The following LRMDA variants were observed in gnomAD, a reference collection of about 807,000 sequenced individuals.
The protein encoded by LRMDA is leucine-rich melanocyte differentiation-associated protein.
A neutral mutation model predicts 29.8 loss-of-function variants in LRMDA; 18 were observed. That is an observed-to-expected ratio of 0.60 (90% CI 0.42 to 0.90). The LOEUF is 0.90. LRMDA is among the 40% of genes least tolerant of loss of function. The probability of loss-of-function intolerance (pLI) is 0.00; values close to 1 mark genes in which losing one functional copy is unlikely to be tolerated. For missense variants in LRMDA, 273 were observed against 273.9 expected (o/e 1.00, Z 0.02); for synonymous variants, 125 against 109.4 (o/e 1.14, Z -0.89).
intron 5 of LRMDA, among the ~76,000 whole-genome samples, chr10:76,295,561 G>A (rs970987752): frequency 3.3e-5 from 5 of 152,172 alleles, no homozygotes; most frequent in South Asian, 2.1e-4. Flanking sequence ...CACTGCTGCC[G>A]CCACCTCTTT....
chr10:75,884,352 A>G (rs1845346668), intron 2 of LRMDA, among the ~76,000 whole-genome samples: 1 of 151,726 alleles, frequency 6.6e-6, no homozygotes, highest in South Asian at 2.1e-4. Flanking sequence ...ATTAAGGTCT[A>G]AACTGAAGTA....
intron 2 of LRMDA, among the ~76,000 whole-genome samples, chr10:75,541,961 A>G (rs1190560595): frequency 6.6e-6 from 1 of 152,250 alleles, no homozygotes; most frequent in Non-Finnish European, 1.5e-5. Flanking sequence ...ATCTTGATAA[A>G]TATGGTGGTT....
At chr10:75,831,797 C>A (rs982865194) in intron 2 of LRMDA, among the ~76,000 whole-genome samples, 12 of 152,180 alleles carry the variant, frequency 7.9e-5, no homozygotes, top group Admixed American at 5.9e-4. Flanking sequence ...ACTTGTGTGC[C>A]CCTGCAGGCT....
At chr10:75,452,149 A>G (rs1844468829) in intron 2 of LRMDA, among the ~76,000 whole-genome samples, 1 of 152,174 alleles carries the variant, frequency 6.6e-6, no homozygotes, top group African/African-American at 2.4e-5. Flanking sequence ...GAGGGGCTCC[A>G]GTGCAGACCC....
chr10:75,613,335 A>G lies in LRMDA; in HGVS notation c.131+174841A>G, dbSNP rs143841187. Among the ~76,000 whole-genome samples the G allele has an allele frequency of 9.7e-3, 1,471 of 152,270 alleles. 17 individuals carry two copies. The highest frequency in any genetic ancestry group is 0.028 in the African/African-American group (1,158 of 41,550). On this transcript the variant is annotated intron_variant, in intron 2 of 6. Transcript: ENST00000611255. ...ATAGCTACTAGCCAAGAAAAGAGGC[A>G]TTTTAGGGGCAGTGAGGGATAGGGG...
intron 2 of LRMDA, among the ~76,000 whole-genome samples, chr10:75,798,716 C>T (rs1843696087): frequency 1.3e-5 from 2 of 151,994 alleles, no homozygotes; most frequent in Non-Finnish European, 2.9e-5. Flanking sequence ...TTTCTTTTTA[C>T]ATCCCTGATG....
At chr10:76,357,155 T>G (rs1032093124) in intron 6 of LRMDA, among the ~76,000 whole-genome samples, 2 of 152,004 alleles carry the variant, frequency 1.3e-5, no homozygotes, top group Non-Finnish European at 2.9e-5. Context: ...ATTGCTGAGG[T>G]GGGGGTGCGA....
intron 5 of LRMDA, among the ~76,000 whole-genome samples, chr10:76,165,846 T>A (rs1195864878): frequency 6.6e-6 from 1 of 152,008 alleles, no homozygotes; most frequent in African/African-American, 2.4e-5. Flanking sequence ...GAGCTACAAT[T>A]CAAGATGAGA....
intron 2 of LRMDA, among the ~76,000 whole-genome samples, chr10:75,714,034 C>T (rs1728565337): frequency 6.6e-6 from 1 of 152,114 alleles, no homozygotes; most frequent in African/African-American, 2.4e-5. Flanking sequence ...TAAAGTCTCC[C>T]TCCAAACAAA....
intron 2 of LRMDA, among the ~76,000 whole-genome samples, chr10:75,478,554 G>T (rs1844822057): frequency 1.3e-5 from 2 of 152,128 alleles, no homozygotes; most frequent in Admixed American, 1.3e-4. Context: ...CATTTAAAAG[G>T]CTGTTCTTTA....
intron 2 of LRMDA, among the ~76,000 whole-genome samples, chr10:75,558,799 G>A (rs893370719): frequency 4.2e-5 from 6 of 144,388 alleles, no homozygotes; most frequent in African/African-American, 1.5e-4. Context: ...TTTTATCCTT[G>A]CGATAGTTTA....
chr10:75,453,430 G>A (rs992091644), intron 2 of LRMDA, among the ~76,000 whole-genome samples: 1 of 152,086 alleles, frequency 6.6e-6, no homozygotes, highest in Non-Finnish European at 1.5e-5. Flanking sequence ...GCTAATTGAA[G>A]CTAGCTTTAG....
In LRMDA at chr10:76,542,451, G is replaced by A. The variant is rs144740588; in HGVS notation, c.602-14758G>A. 1.6e-3 allele frequency among the ~76,000 whole-genome samples: 238 copies of A among 152,218 alleles called. 1 individual carries two copies. The highest frequency in any genetic ancestry group is 5.3e-3 in the African/African-American group (222 of 41,546). On this transcript the variant is annotated intron_variant, in intron 6 of 6. Transcript: ENST00000611255. Reference sequence around the variant, plus strand: ...GATTGGGGCTGACTGATACACTGCCGTGATGAGATATAACCCCTGGAAAAT... The same window carrying A: ...GATTGGGGCTGACTGATACACTGCCATGATGAGATATAACCCCTGGAAAAT...
At chr10:75,439,982 G>T (rs1445956020) in intron 2 of LRMDA, among the ~76,000 whole-genome samples, 4 of 151,884 alleles carry the variant, frequency 2.6e-5, no homozygotes, top group African/African-American at 7.3e-5. Flanking sequence ...GCCCTGAGTA[G>T]TTAGTGGGAG....
chr10:75,599,492 A>G (rs911726053), intron 2 of LRMDA, among the ~76,000 whole-genome samples: 2 of 152,212 alleles, frequency 1.3e-5, no homozygotes, highest in African/African-American at 4.8e-5. Flanking sequence ...GCTGGAAACC[A>G]TCAGTCAGGG....
chr10:75,858,469 A>G (rs961929550), intron 2 of LRMDA, among the ~76,000 whole-genome samples: 2 of 152,158 alleles, frequency 1.3e-5, no homozygotes, highest in African/African-American at 4.8e-5. Flanking sequence ...TCTGTGCTGC[A>G]TTTATTTAGC....
chr10:75,565,188 G>T (rs1840354382), intron 2 of LRMDA, among the ~76,000 whole-genome samples: 1 of 152,236 alleles, frequency 6.6e-6, no homozygotes, highest in Non-Finnish European at 1.5e-5. Context: ...ACTGTCACAT[G>T]ACCTTGGCAG....
At chr10:75,498,033 T>C (rs4617527) in intron 2 of LRMDA, among the ~76,000 whole-genome samples, 1 of 151,566 alleles carries the variant, frequency 6.6e-6, no homozygotes, top group African/African-American at 2.4e-5. Flanking sequence ...AACAAAGTAT[T>C]GAAGTTCTGG....
intron 2 of LRMDA, among the ~76,000 whole-genome samples, chr10:75,904,202 T>C (rs1218610799): frequency 6.6e-6 from 1 of 152,196 alleles, no homozygotes; most frequent in Non-Finnish European, 1.5e-5. Flanking sequence ...TATTTACCAA[T>C]CTTGGATATT....
Sources: gnomAD v4.1 joint callset for allele counts (sites outside exome capture counted in the v4.1 genomes callset) on GRCh38, gnomAD v4.1.1 for gene constraint, MANE v1.5 for transcripts, NCBI Gene and HGNC (gene_info 2026-07-23, HGNC 2026-07-21) for gene names.